The following AGMO variants were observed in gnomAD, a reference collection of about 807,000 sequenced individuals.
AGMO encodes glyceryl-ether monooxygenase.
Under a neutral mutation model 60.2 loss-of-function variants are expected in AGMO, and 75 were observed. That is an observed-to-expected ratio of 1.25 (90% CI 1.03 to 1.51). The LOEUF (loss-of-function observed/expected upper bound fraction) is 1.51. AGMO is among the 40% of genes most tolerant of loss of function. The pLI is 0.00. For synonymous variants in AGMO, 261 were observed against 177.1 expected (o/e 1.47, Z -3.76); for missense variants, 763 against 525.5 (o/e 1.45, Z -4.42).
intron 12 of AGMO, among the ~76,000 whole-genome samples, chr7:15,249,244 A>G (rs1296760990): frequency 6.6e-6 from 1 of 152,224 alleles, no homozygotes; most frequent in Admixed American, 6.5e-5. Context: ...AGGATAGAAT[A>G]TTAGTGATGT....
chr7:15,291,916 T>C (rs751486667), intron 12 of AGMO, among the ~76,000 whole-genome samples: 15 of 152,092 alleles, frequency 9.9e-5, no homozygotes, highest in Admixed American at 2.6e-4. Flanking sequence ...AGCTCAGGAA[T>C]TGGACATGAC....
chr7:15,140,860 G>A, the AGMO span, among the ~76,000 whole-genome samples: 2 of 152,016 alleles, frequency 1.3e-5, no homozygotes, highest in South Asian at 4.2e-4. Context: ...TCTGATATCT[G>A]TAATCCTCAG....
At chr7:15,539,739 T>C (rs1784573241) in intron 3 of AGMO, among the ~76,000 whole-genome samples, 1 of 152,176 alleles carries the variant, frequency 6.6e-6, no homozygotes, top group African/African-American at 2.4e-5. Context: ...CTGAACTAAC[T>C]TGCACTCCCA....
chr7:15,418,964 A>C (rs1288290732), intron 4 of AGMO, among the ~76,000 whole-genome samples: 1 of 151,904 alleles, frequency 6.6e-6, no homozygotes, highest in Non-Finnish European at 1.5e-5. Context: ...GGGATGTTTT[A>C]TGTACACACA....
chr7:15,351,095 T>C (rs1369139884), intron 12 of AGMO, among the ~76,000 whole-genome samples: 1 of 152,160 alleles, frequency 6.6e-6, no homozygotes, highest in Non-Finnish European at 1.5e-5. Context: ...AATTGCAGTA[T>C]AGTTTAGGTA....
intron 12 of AGMO, among the ~76,000 whole-genome samples, chr7:15,232,801 G>A (rs199940250): frequency 2.0e-3 from 298 of 147,114 alleles, no homozygotes; most frequent in Middle Eastern, 3.4e-3. Flanking sequence ...ACACACACAC[G>A]CACACACACA....
intron 10 of AGMO, among the ~76,000 whole-genome samples, chr7:15,373,253 G>C (rs906145006): frequency 1.3e-5 from 2 of 151,770 alleles, no homozygotes; most frequent in Non-Finnish European, 2.9e-5. Context: ...ACTCCAGCCT[G>C]GACAACAGAG....
At chr7:15,241,437 G>A (rs1209284542) in intron 12 of AGMO, among the ~76,000 whole-genome samples, 1 of 124,708 alleles carries the variant, frequency 8.0e-6, no homozygotes, top group Non-Finnish European at 1.6e-5. Context: ...TCCAGCTTGG[G>A]CGAAAGAGTG....
chr7:15,166,854 T>C, the AGMO span, among the ~76,000 whole-genome samples: 4 of 152,148 alleles, frequency 2.6e-5, no homozygotes, highest in Admixed American at 6.5e-5. Context: ...TTCTGACAAC[T>C]GAGATAGAGA....
intron 12 of AGMO, among the ~76,000 whole-genome samples, chr7:15,219,581 G>A (rs914748399): frequency 2.0e-5 from 3 of 152,218 alleles, no homozygotes; most frequent in Middle Eastern, 3.4e-3. Context: ...TAAGGCTTGT[G>A]TAAGACAAGA....
chr7:15,267,127 A>C (rs2128511829), intron 12 of AGMO, among the ~76,000 whole-genome samples: 1 of 152,178 alleles, frequency 6.6e-6, no homozygotes, highest in South Asian at 2.1e-4. Flanking sequence ...GCTTCTCATT[A>C]AGGGGAAATC....
chr7:15,206,507 C>A (rs747334254), intron 12 of AGMO, among the ~76,000 whole-genome samples: 2 of 151,940 alleles, frequency 1.3e-5, no homozygotes, highest in Non-Finnish European at 2.9e-5. Context: ...AATATGAGGC[C>A]TTTTAAGGTT....
rs549875393 is a variant in AGMO at position 15,464,257 on chromosome 7, A to G, written c.410-33149T>C. On this transcript the variant is annotated intron_variant, in intron 3 of 12. Coordinates refer to ENST00000342526, the MANE Select transcript of AGMO (RefSeq NM_001004320.2). The stretch of plus-strand genomic sequence containing the variant: ...AAAGGCTTTTAGCTCATCTCTCCAT[A>G]AAAACATGTAATCTTAGCTAGAGCT... Among the ~76,000 whole-genome samples the G allele has an allele frequency of 2.6e-3, 394 of 152,302 alleles. 1 individual carries two copies. Among genetic ancestry groups the G allele is most frequent in the African/African-American group, 8.6e-3 (359 of 41,566 alleles).
chr7:15,531,823 C>A (rs1300700763), intron 3 of AGMO, among the ~76,000 whole-genome samples: 2 of 150,846 alleles, frequency 1.3e-5, no homozygotes, highest in African/African-American at 2.4e-5. Context: ...TGCCCAACAC[C>A]ATGCCCAGCT....
intron 1 of AGMO, among the ~76,000 whole-genome samples, chr7:15,560,885 G>A (rs531614299): frequency 1.3e-5 from 2 of 152,196 alleles, no homozygotes; most frequent in Admixed American, 6.5e-5. Context: ...ATTGAATTTG[G>A]TTTGATATTG....
chr7:15,404,475 C>T (rs1170913492), intron 5 of AGMO, among the ~76,000 whole-genome samples: 4 of 151,788 alleles, frequency 2.6e-5, no homozygotes, highest in South Asian at 2.1e-4. Context: ...TTAAACAACA[C>T]GGAGTAGATT....
At chr7:15,454,773 C>T (rs1281182094) in intron 3 of AGMO, among the ~76,000 whole-genome samples, 4 of 151,996 alleles carry the variant, frequency 2.6e-5, no homozygotes, top group South Asian at 2.1e-4. Context: ...GATACTCATG[C>T]CTTAAATATT....
chr7:15,456,447 T>C (rs1782000979), intron 3 of AGMO, among the ~76,000 whole-genome samples: 1 of 152,120 alleles, frequency 6.6e-6, no homozygotes, highest in South Asian at 2.1e-4. Flanking sequence ...ATGATTAGAA[T>C]TTTTCAGGGA....
At position 15,378,269 on chromosome 7, in the gene AGMO, A is replaced by T. The variant is rs73679490; in HGVS notation, c.1074+7177T>A. Among the ~76,000 whole-genome samples, 1,253 of 152,160 alleles carry T rather than the reference A, an allele frequency of 8.2e-3. 20 individuals are homozygous for T. The highest frequency in any genetic ancestry group is 0.028 in the African/African-American group (1,170 of 41,516). ...TCTATTGTTTAAAATTTGGGTTCCT[A>T]TATGAAGAATAATTTGGTTACTAAC... On this transcript the variant is annotated intron_variant, in intron 10 of 12. Transcript: ENST00000342526.
Sources: allele counts gnomAD v4.1 joint callset (sites outside exome capture counted in the v4.1 genomes callset), GRCh38; gene constraint gnomAD v4.1.1; transcripts MANE v1.5; gene names NCBI Gene and HGNC (gene_info 2026-07-23, HGNC 2026-07-21).